RPGRIP1: variants seen among roughly 807,000 people sequenced by gnomAD.
The protein encoded by RPGRIP1 is RPGR interacting protein 1.
RPGRIP1 carries 128 observed loss-of-function variants against 157.9 expected under a neutral mutation model. The observed-to-expected ratio is 0.81, with a 90% CI of 0.70 to 0.94. The LOEUF (loss-of-function observed/expected upper bound fraction) is 0.94, where lower values mean the gene tolerates loss of function less well. Among genes scored for constraint, RPGRIP1 ranks in the 40% least tolerant of loss-of-function variants. The pLI, the probability that RPGRIP1 is intolerant of heterozygous loss-of-function variation, is 0.00. For missense variants in RPGRIP1, 1,486 were observed against 1,545.8 expected, an observed-to-expected ratio of 0.96 and a Z score of 0.65; for synonymous variants, 554 against 571.6, an observed-to-expected ratio of 0.97 and a Z score of 0.44.
At chr14:21,289,621 A>G (rs1010428653) in intron 2 of RPGRIP1, among the ~76,000 whole-genome samples, 1 of 152,158 alleles carries the variant, frequency 6.6e-6, no homozygotes, top group African/African-American at 2.4e-5. Flanking sequence ...TGCACTGCCC[A>G]TAAGTGTATA....
At chr14:21,307,336 G>GGGATGAAC (rs1881359363) in intron 6 of RPGRIP1, among the ~76,000 whole-genome samples, 2 of 152,342 alleles carry the variant, frequency 1.3e-5, no homozygotes, top group Admixed American at 1.3e-4. Flanking sequence ...TTATAGGCGT[G>GGGATGAAC]AGCCACGGTG....
intron 2 of RPGRIP1, among the ~76,000 whole-genome samples, chr14:21,288,603 C>T (rs1880393392): frequency 1.3e-5 from 2 of 151,736 alleles, no homozygotes; most frequent in Admixed American, 6.6e-5. Context: ...CAACCTATGC[C>T]TCCCGGGTTC....
intron 1 of RPGRIP1, among the ~76,000 whole-genome samples, chr14:21,284,782 C>T (rs1880243837): frequency 6.6e-6 from 1 of 152,018 alleles, no homozygotes; most frequent in Non-Finnish European, 1.5e-5. Context: ...GAACTCCTGA[C>T]CTCAGATGAT....
chr14:21,300,259 C>T (rs1211813474), intron 3 of RPGRIP1, among the ~76,000 whole-genome samples: 6 of 147,630 alleles, frequency 4.1e-5, no homozygotes, highest in East Asian at 2.1e-4. Context: ...GAGCTGAGAT[C>T]GTGCCATTGC....
At chr14:21,293,217 T>C (rs1307961677) in intron 2 of RPGRIP1, among the ~76,000 whole-genome samples, 1 of 152,080 alleles carries the variant, frequency 6.6e-6, no homozygotes, top group Non-Finnish European at 1.5e-5. Flanking sequence ...AGAGCAGACC[T>C]GGGCCAGTGA....
Position 21,318,759 on chromosome 14 carries a change from G to T in RPGRIP1, c.1306+909G>T, listed in dbSNP as rs143787347. Among the ~76,000 whole-genome samples the T allele has an allele frequency of 9.0e-3, 1,376 of 152,094 alleles. 8 individuals carry two copies. Among genetic ancestry groups the T allele is most frequent in the African/African-American group, 0.031 (1,291 of 41,500 alleles). Reference sequence around the variant, plus strand: ...CAAAGTGCTGGGATTACAGGTGAAAGCCACTACACCTGGCTGAAAGTATTG... The same window carrying T: ...CAAAGTGCTGGGATTACAGGTGAAATCCACTACACCTGGCTGAAAGTATTG... On this transcript the variant is annotated intron_variant, in intron 11 of 24. Transcript: ENST00000400017.
At chr14:21,312,045 TATG>T in intron 9 of RPGRIP1, 75 bp downstream of exon 9, 1 of 1,339,106 alleles carries the variant, frequency 7.5e-7, no homozygotes, top group Non-Finnish European at 1.0e-6. Flanking sequence ...TTAGCAACAA[TATG>T]AGTATTGCAT....
intron 17 of RPGRIP1, among the ~76,000 whole-genome samples, chr14:21,326,933 T>C (rs1397948785): frequency 1.3e-5 from 2 of 152,042 alleles, no homozygotes; most frequent in Admixed American, 6.6e-5. Flanking sequence ...CTTTTATACC[T>C]AGGATTGTGG....
At chr14:21,296,301 A>C (rs1409096428) in intron 3 of RPGRIP1, among the ~76,000 whole-genome samples, 1 of 151,930 alleles carries the variant, frequency 6.6e-6, no homozygotes, top group East Asian at 1.9e-4. Context: ...TCCTGAGCTC[A>C]GGCAATCAGC....
intron 7 of RPGRIP1, among the ~76,000 whole-genome samples, chr14:21,308,980 C>T (rs558386110): frequency 3.9e-4 from 59 of 152,132 alleles, no homozygotes; most frequent in Non-Finnish European, 7.8e-4. Context: ...AGGTACAGGT[C>T]GGGGAAAGGA....
intron 1 of RPGRIP1, among the ~76,000 whole-genome samples, chr14:21,285,988 T>C (rs995570059): frequency 2.6e-5 from 4 of 151,858 alleles, no homozygotes; most frequent in Admixed American, 6.6e-5. Context: ...ATATATGTTG[T>C]TTTTGTCTGT....
chr14:21,312,261 T>C (rs1268130017), intron 9 of RPGRIP1, among the ~76,000 whole-genome samples, 172 bp from the exon 10 acceptor site: 1 of 152,166 alleles, frequency 6.6e-6, no homozygotes, highest in African/African-American at 2.4e-5. Flanking sequence ...CCAATACAAG[T>C]TTCTAGCCGA....
intron 20 of RPGRIP1, among the ~76,000 whole-genome samples, chr14:21,332,125 G>T (rs111461534): frequency 0.1 from 15,284 of 151,700 alleles, 947 homozygotes; most frequent in Middle Eastern, 0.22. Context: ...TTTTAGTAGA[G>T]ACTGGATTTC....
chr14:21,322,672 C>G (rs1260783249), intron 14 of RPGRIP1, among the ~76,000 whole-genome samples: 5 of 152,172 alleles, frequency 3.3e-5, no homozygotes, highest in Admixed American at 2.6e-4. Context: ...CTCCCCTGTC[C>G]CTCTCTCCTA....
Position 21,343,158 on chromosome 14 carries a change from G to T in RPGRIP1, c.3462G>T (p.Ser1154=). ...ACAAATTCTACGACCTACCCTTGTC[G>T]GAGACAGAGACTCCAGTGTCCCTAA... ...VEYKFYDLPL[S]ETETPVSLRK... Residue 1154 remains serine (S), a synonymous_variant, in exon 22 of 25, where the codon TCG becomes TCT. Transcript: ENST00000400017. 6.2e-7 allele frequency: 1 copy of T among 1,613,612 alleles called. No homozygotes were observed. Among genetic ancestry groups the T allele is most frequent in the Non-Finnish European group, 8.5e-7 (1 of 1,179,724 alleles).
Position 21,348,241 on chromosome 14 carries a change from A to C in RPGRIP1, c.3687A>C (p.Ala1229=), listed in dbSNP as rs745981313. 6.3e-7 allele frequency: 1 copy of C among 1,592,248 alleles called. No homozygotes were observed. The highest frequency in any genetic ancestry group is 1.1e-5 in the South Asian group (1 of 87,378). Residue 1229 remains alanine, a synonymous_variant, in exon 24 of 25, where the codon GCA becomes GCC. Transcript: ENST00000400017. The part of the protein sequence containing the change: ...EKKECEEVGY[A]YLQLWQILES... The stretch of plus-strand genomic sequence containing the variant: ...AAGAATGTGAAGAAGTGGGATATGC[A>C]TATCTTCAACTGTGGCAGATCCTGG...
chr14:21,285,638 T>C (rs1880273871), intron 1 of RPGRIP1, among the ~76,000 whole-genome samples: 1 of 146,754 alleles, frequency 6.8e-6, no homozygotes, highest in South Asian at 2.1e-4. Flanking sequence ...AAGAGCTTGA[T>C]GGTTGGGAGA....
intron 3 of RPGRIP1, among the ~76,000 whole-genome samples, chr14:21,296,827 C>T (rs1394003403): frequency 1.3e-5 from 2 of 151,410 alleles, no homozygotes; most frequent in Non-Finnish European, 2.9e-5. Context: ...TGGTGGTGGG[C>T]GCCTGAAATC....
At chr14:21,303,646 A>T in intron 6 of RPGRIP1, 103 bp downstream of exon 6, 1 of 871,056 alleles carries the variant, frequency 1.1e-6, no homozygotes, top group Non-Finnish European at 1.8e-6. Context: ...AGTGTTTGGG[A>T]TTAAATTCAA....
Sources: allele counts gnomAD v4.1 joint callset (sites outside exome capture counted in the v4.1 genomes callset), GRCh38; gene constraint gnomAD v4.1.1; transcripts MANE v1.5; gene names NCBI Gene and HGNC (gene_info 2026-07-23, HGNC 2026-07-21).